KANSL1: variants seen among roughly 807,000 people sequenced by gnomAD.
The protein encoded by KANSL1 is KAT8 regulatory NSL complex subunit 1.
Under a neutral mutation model 103.6 loss-of-function variants are expected in KANSL1, and 22 were observed. The ratio of observed to expected loss-of-function variants is 0.21; its 90% CI spans 0.15 to 0.30. KANSL1 has a LOEUF of 0.30. Ranked by LOEUF, KANSL1 falls within the 10% of genes least tolerant of loss-of-function variation. The probability of loss-of-function intolerance (pLI) is 1.00; values close to 1 mark genes in which losing one functional copy is unlikely to be tolerated. For missense variants in KANSL1, 1,337 were observed against 1,399.8 expected, an observed-to-expected ratio of 0.96 and a Z score of 0.72; for synonymous variants, 600 against 527.6, an observed-to-expected ratio of 1.14 and a Z score of -1.88.
chr17:46,128,212 G>A (rs2043669774), intron 2 of KANSL1, among the ~76,000 whole-genome samples: 1 of 152,180 alleles, frequency 6.6e-6, no homozygotes, highest in South Asian at 2.1e-4. Context: ...CAAAGCCTCT[G>A]CTTTCTCTGT....
intron 2 of KANSL1, among the ~76,000 whole-genome samples, chr17:46,109,419 A>T (rs1004469939): frequency 6.6e-6 from 1 of 152,230 alleles, no homozygotes; most frequent in Non-Finnish European, 1.5e-5. Flanking sequence ...GATACGTGTA[A>T]GATAGTTAAG....
chr17:46,170,116 C>T (rs542158818), intron 2 of KANSL1, among the ~76,000 whole-genome samples: 2 of 152,330 alleles, frequency 1.3e-5, no homozygotes, highest in South Asian at 4.1e-4. Context: ...CACTCCTGCA[C>T]TCCAGCCTGG....
Position 46,133,197 on chromosome 17 carries a change from A to T in KANSL1, c.1289+37658T>A, listed in dbSNP as rs146028006. Among the ~76,000 whole-genome samples the T allele has an allele frequency of 3.7e-4, 57 of 152,336 alleles. 3 individuals are homozygous for T. In the East Asian group the frequency reaches 9.3e-3, roughly 25 times the overall value. On this transcript the variant is annotated intron_variant, in intron 2 of 14. Transcript: ENST00000432791. ...TCAATTTTTAATGGGCAAAATTAAC[A>T]TTCAAATCCAAGTTGTATGTGATCC...
chr17:46,056,151 C>T (rs1302243393), intron 6 of KANSL1, among the ~76,000 whole-genome samples: 1 of 152,188 alleles, frequency 6.6e-6, no homozygotes, highest in African/African-American at 2.4e-5. Flanking sequence ...GCACCCACCA[C>T]CAAGCCTGGC....
At chr17:46,119,085 T>C (rs529258350) in intron 2 of KANSL1, among the ~76,000 whole-genome samples, 2 of 152,358 alleles carry the variant, frequency 1.3e-5, no homozygotes, top group Admixed American at 6.5e-5. Flanking sequence ...ATCCTATACA[T>C]AGCAGCTTTT....
intron 2 of KANSL1, among the ~76,000 whole-genome samples, chr17:46,099,318 C>T (rs1356537015): frequency 2.8e-5 from 4 of 142,030 alleles, no homozygotes; most frequent in African/African-American, 7.9e-5. Context: ...AGCGAGACTC[C>T]GTCTCAAAAA....
At chr17:46,142,008 C>A (rs4792833) in intron 2 of KANSL1, among the ~76,000 whole-genome samples, 8,596 of 152,156 alleles carry the variant, frequency 0.056, 920 homozygotes, top group East Asian at 0.42. Context: ...CCAGCCTCAG[C>A]CTCCCGAGCA....
rs200979425 is a variant in KANSL1 at position 46,050,694 on chromosome 17, T to C, written c.1859A>G (p.Asn620Ser). ...ATCACAGCCAGGGCGGATTGTGCTGTTCCGGTGAACCTGTGAAAAAAGCCA... is the reference window on the plus strand; with the variant it reads ...ATCACAGCCAGGGCGGATTGTGCTGCTCCGGTGAACCTGTGAAAAAAGCCA... ...IVPLSKKVHR[N>S]STIRPGCDVN... The change falls in exon 7 of 15, where the codon AAC becomes AGC. Residue 620 changes from asparagine (N) to serine (S), a missense_variant. By Grantham distance (46) the Asn-to-Ser change is conservative. Transcript: ENST00000432791. 1.9e-6 allele frequency: 3 copies of C among 1,610,806 alleles called. No homozygotes were observed. The African/African-American group carries it at 4.0e-5, about 22-fold the overall frequency.
intron 2 of KANSL1, among the ~76,000 whole-genome samples, chr17:46,114,992 T>C (rs1470617829): frequency 2.0e-5 from 3 of 152,236 alleles, no homozygotes; most frequent in Non-Finnish European, 2.9e-5. Context: ...ACTGAAATTT[T>C]GTACTAAAGT....
chr17:46,105,949 C>CACA (rs1567680988), intron 2 of KANSL1, among the ~76,000 whole-genome samples: 2,803 of 48,902 alleles, frequency 0.057, 49 homozygotes, highest in East Asian at 0.15. Context: ...ACACACACAC[C>CACA]CCCCCAGAAG....
Position 46,202,877 on chromosome 17 carries a change from T to C in KANSL1, c.-90+20794A>G, listed in dbSNP as rs140787872. 1.4e-4 allele frequency among the ~76,000 whole-genome samples: 22 copies of C among 152,338 alleles called. No homozygotes were observed. In the East Asian group the frequency reaches 4.0e-3, roughly 28 times the overall value. The stretch of plus-strand genomic sequence containing the variant: ...AAATGTGTCCCAAATGAACCAACTT[T>C]AACCAGCATCAGAAAAAATAAAATA... On this transcript the variant is annotated intron_variant, in intron 1 of 14. Transcript: ENST00000572904.
intron 2 of KANSL1, among the ~76,000 whole-genome samples, chr17:46,125,039 G>GGGAGGGA (rs1337882623): frequency 3.4e-5 from 3 of 89,410 alleles, no homozygotes; most frequent in Non-Finnish European, 6.5e-5. Flanking sequence ...GAGGTAGGGA[G>GGGAGGGA]GGAGGGAGGA....
intron 10 of KANSL1, among the ~76,000 whole-genome samples, chr17:46,036,113 C>G (rs1344655838): frequency 6.6e-6 from 1 of 151,190 alleles, no homozygotes; most frequent in Non-Finnish European, 1.5e-5. Context: ...GAGATGAGGT[C>G]TCACTATGTT....
intron 6 of KANSL1, among the ~76,000 whole-genome samples, chr17:46,060,922 T>C (rs1214772798): frequency 6.6e-6 from 1 of 151,986 alleles, no homozygotes; most frequent in Non-Finnish European, 1.5e-5. Flanking sequence ...CCCAGAGCAA[T>C]CCCCCCTATG....
At chr17:46,085,050 C>T (rs2079114842) in intron 3 of KANSL1, among the ~76,000 whole-genome samples, 1 of 152,162 alleles carries the variant, frequency 6.6e-6, no homozygotes, top group Non-Finnish European at 1.5e-5. Flanking sequence ...TTTCCCATAA[C>T]CGGTTCCTAA....
intron 2 of KANSL1, among the ~76,000 whole-genome samples, chr17:46,167,518 T>C (rs1163846069): frequency 6.6e-6 from 1 of 152,248 alleles, no homozygotes; most frequent in South Asian, 2.1e-4. Context: ...AGTGACATCA[T>C]ATCAAACACA....
chr17:46,197,337 C>T (rs898695988), upstream of KANSL1, among the ~76,000 whole-genome samples: 1 of 152,186 alleles, frequency 6.6e-6, no homozygotes, highest in Non-Finnish European at 1.5e-5. Flanking sequence ...TTATCGTCTA[C>T]TCACTTCACT....
At chr17:46,145,284 G>A (rs1357310423) in intron 2 of KANSL1, among the ~76,000 whole-genome samples, 1 of 152,162 alleles carries the variant, frequency 6.6e-6, no homozygotes, top group African/African-American at 2.4e-5. Flanking sequence ...CTCTCTATGG[G>A]CCCATCCCAT....
chr17:46,094,547 A>C lies in KANSL1; in HGVS notation c.1431+13T>G, dbSNP rs1057520294. 2.5e-6 allele frequency: 4 copies of C among 1,607,710 alleles called. No individual in the cohort carries two copies. The African/African-American group carries it at 4.0e-5, about 16-fold the overall frequency. On this transcript the variant is annotated intron_variant, in intron 3 of 14. Coordinates refer to ENST00000432791, the MANE Select transcript of KANSL1 (RefSeq NM_015443.4). ...TCGGCAGCATTTAAAAACATCAGAT[A>C]CTTATCCCTTACCTTATTAGCACGT...
Sources: gnomAD v4.1 joint callset for allele counts (sites outside exome capture counted in the v4.1 genomes callset) on GRCh38, gnomAD v4.1.1 for gene constraint, MANE v1.5 for transcripts, NCBI Gene and HGNC (gene_info 2026-07-23, HGNC 2026-07-21) for gene names.